The following DLGAP1 variants were observed in gnomAD, a reference collection of about 807,000 sequenced individuals.
The protein encoded by DLGAP1 is DLG associated protein 1.
In DLGAP1, 11 loss-of-function variants were observed where a neutral mutation model predicts 90.8. The observed-to-expected ratio is 0.12, with a 90% confidence interval of 0.08 to 0.20. The LOEUF is 0.20. Among genes scored for constraint, DLGAP1 ranks in the 10% least tolerant of loss-of-function variants. The probability of loss-of-function intolerance (pLI) is 1.00; values close to 1 mark genes in which losing one functional copy is unlikely to be tolerated. For missense variants in DLGAP1, 1,050 were observed against 1,333.8 expected (o/e 0.79, Z 3.31); for synonymous variants, 558 against 540.7 (o/e 1.03, Z -0.44).
chr18:4,315,440 A>T (rs2080503669), intron 1 of DLGAP1, among the ~76,000 whole-genome samples: 1 of 152,240 alleles, frequency 6.6e-6, no homozygotes. Flanking sequence ...CCTGCTAATT[A>T]GCTTTTGATT....
At chr18:3,846,795 G>A (rs912749030) in intron 4 of DLGAP1, among the ~76,000 whole-genome samples, 2 of 152,148 alleles carry the variant, frequency 1.3e-5, no homozygotes, top group Non-Finnish European at 2.9e-5. Flanking sequence ...TGGACCTGGG[G>A]TAGGGGGACC....
intron 1 of DLGAP1, among the ~76,000 whole-genome samples, chr18:4,277,247 G>A (rs1219452839): frequency 6.6e-6 from 1 of 152,154 alleles, no homozygotes; most frequent in Non-Finnish European, 1.5e-5. Flanking sequence ...ATTTCTGTCA[G>A]AAATAGCCTT....
chr18:4,404,216 T>C (rs1179379753), intron 1 of DLGAP1, among the ~76,000 whole-genome samples: 3 of 152,206 alleles, frequency 2.0e-5, no homozygotes, highest in East Asian at 1.9e-4. Context: ...TTGGAAAGAA[T>C]AGATAACTCT....
In DLGAP1 at chr18:3,582,686, T is replaced by C. The variant is rs531340257; in HGVS notation, c.1592-438A>G. 2.0e-5 allele frequency among the ~76,000 whole-genome samples: 3 copies of C among 151,964 alleles called. No homozygotes were observed. In the South Asian group the frequency reaches 6.2e-4, roughly 32 times the overall value. Reference sequence around the variant, plus strand: ...AGAGATTTTAGTGGTTGATAATAAATATGGAAAAAGAAAAAAGGAAGGCAA... The same window carrying C: ...AGAGATTTTAGTGGTTGATAATAAACATGGAAAAAGAAAAAAGGAAGGCAA... On this transcript the variant is annotated intron_variant, in intron 7 of 12. Transcript: ENST00000315677.
chr18:3,596,939 C>G (rs1331823767), intron 7 of DLGAP1: 4 of 520,136 alleles, frequency 7.7e-6, no homozygotes, highest in South Asian at 5.6e-5. Context: ...CTGACACCAG[C>G]TGGTCCCCTG....
At chr18:4,425,184 T>C (rs1441616958) in intron 1 of DLGAP1, among the ~76,000 whole-genome samples, 1 of 152,164 alleles carries the variant, frequency 6.6e-6, no homozygotes, top group Non-Finnish European at 1.5e-5. Flanking sequence ...ATAAAATGGT[T>C]CCACAAATCA....
intron 7 of DLGAP1, among the ~76,000 whole-genome samples, chr18:3,583,182 C>CT (rs1568240946): frequency 7.0e-6 from 1 of 143,682 alleles, no homozygotes; most frequent in Admixed American, 7.0e-5. Context: ...ACCTACCTAC[C>CT]TACCTTCCTT....
intron 1 of DLGAP1, among the ~76,000 whole-genome samples, chr18:4,222,822 G>A (rs192892537): frequency 9.9e-5 from 15 of 151,834 alleles, no homozygotes; most frequent in African/African-American, 3.6e-4. Context: ...TGGGTAAACT[G>A]ATACAGGCAC....
chr18:4,369,862 T>A (rs1222040800), intron 1 of DLGAP1, among the ~76,000 whole-genome samples: 1 of 144,654 alleles, frequency 6.9e-6, no homozygotes, highest in East Asian at 2.0e-4. Context: ...AAAAGTGATC[T>A]GGGTGATGAA....
intron 7 of DLGAP1, among the ~76,000 whole-genome samples, chr18:3,631,994 T>C (rs997847081): frequency 6.6e-6 from 1 of 152,096 alleles, no homozygotes; most frequent in African/African-American, 2.4e-5. Flanking sequence ...CAAGCTGGCC[T>C]CCAACTCCTG....
chr18:3,792,997 G>A (rs972653079), intron 5 of DLGAP1, among the ~76,000 whole-genome samples: 27 of 152,260 alleles, frequency 1.8e-4, no homozygotes, highest in African/African-American at 6.5e-4. Flanking sequence ...CTGGGCCTGT[G>A]GAGGCTTTTT....
chr18:4,005,752 A>G lies in DLGAP1; in HGVS notation c.-158-551T>C, dbSNP rs532671835. 2.6e-5 allele frequency among the ~76,000 whole-genome samples: 4 copies of G among 152,340 alleles called. No homozygotes were observed. The East Asian group carries it at 7.7e-4, about 29-fold the overall frequency. ...CTGGCCCACAGCAATCAAGTGCTCC[A>G]TAGTCTCAGGGAGCCTAAAAGCTAC... is the stretch of plus-strand genomic sequence containing the variant. On this transcript the variant is annotated intron_variant, in intron 2 of 12. Coordinates refer to ENST00000315677, the MANE Select transcript of DLGAP1 (RefSeq NM_004746.4).
chr18:4,255,053 A>G (rs2078860530), intron 1 of DLGAP1, among the ~76,000 whole-genome samples: 1 of 152,216 alleles, frequency 6.6e-6, no homozygotes, highest in Non-Finnish European at 1.5e-5. Context: ...GCCTGGGCAA[A>G]GCAGAGCCGA....
chr18:3,987,618 G>T, intron 3 of DLGAP1, among the ~76,000 whole-genome samples: 1 of 152,090 alleles, frequency 6.6e-6, no homozygotes. Flanking sequence ...TATGTTCAGA[G>T]ATATTTATTT....
At chr18:3,820,534 A>T (rs2067352723) in intron 4 of DLGAP1, among the ~76,000 whole-genome samples, 1 of 152,210 alleles carries the variant, frequency 6.6e-6, no homozygotes, top group African/African-American at 2.4e-5. Context: ...GCAGCTGTTG[A>T]TTCCTTCCCA....
intron 10 of DLGAP1, among the ~76,000 whole-genome samples, chr18:3,523,592 A>C (rs184833634): frequency 1.1e-4 from 16 of 152,114 alleles, no homozygotes; most frequent in Non-Finnish European, 2.1e-4. Flanking sequence ...TCACGCCTGT[A>C]ATCCCAGCAC....
chr18:4,092,556 AG>A (rs963684129), intron 2 of DLGAP1, among the ~76,000 whole-genome samples: 1 of 152,066 alleles, frequency 6.6e-6, no homozygotes, highest in Non-Finnish European at 1.5e-5. Flanking sequence ...CCCCTCACCC[AG>A]GTATGGAGAT....
chr18:4,325,603 A>T (rs2080799763), intron 1 of DLGAP1, among the ~76,000 whole-genome samples: 3 of 152,096 alleles, frequency 2.0e-5, no homozygotes, highest in Non-Finnish European at 4.4e-5. Flanking sequence ...CATATTACCC[A>T]ACTTCAAACT....
chr18:4,407,034 T>G (rs2082678133), intron 1 of DLGAP1, among the ~76,000 whole-genome samples: 1 of 152,194 alleles, frequency 6.6e-6, no homozygotes, highest in Non-Finnish European at 1.5e-5. Flanking sequence ...CACATTAAGT[T>G]AGATTTTTGT....
Sources: gnomAD v4.1 joint callset for allele counts (sites outside exome capture counted in the v4.1 genomes callset) on GRCh38, gnomAD v4.1.1 for gene constraint, MANE v1.5 for transcripts, NCBI Gene and HGNC (gene_info 2026-07-23, HGNC 2026-07-21) for gene names.